Variants in RTF1 observed in about 807,000 individuals in gnomAD.
RTF1 encodes RTF1 homolog, Paf1/RNA polymerase II complex component.
In RTF1, 10 loss-of-function variants were observed where a neutral mutation model predicts 95.7. The ratio of observed to expected loss-of-function variants is 0.10; its 90% CI spans 0.06 to 0.18. The LOEUF (loss-of-function observed/expected upper bound fraction) is 0.18, where lower values mean the gene tolerates loss of function less well. Among genes scored for constraint, RTF1 ranks in the 10% least tolerant of loss-of-function variants. RTF1 has a pLI of 1.00. For synonymous variants in RTF1, 305 were observed against 311.8 expected, an observed-to-expected ratio of 0.98 and a Z score of 0.23; for missense variants, 458 against 875.6, an observed-to-expected ratio of 0.52 and a Z score of 6.02.
chr15:41,453,807 T>A (rs1353833437), intron 3 of RTF1, among the ~76,000 whole-genome samples: 1 of 151,672 alleles, frequency 6.6e-6, no homozygotes, highest in Non-Finnish European at 1.5e-5. Flanking sequence ...GTTCCAGGAC[T>A]AGAATGATAA....
At chr15:41,456,488 CAA>C (rs554155784) in intron 3 of RTF1, among the ~76,000 whole-genome samples, 18 of 113,586 alleles carry the variant, frequency 1.6e-4, no homozygotes, top group East Asian at 2.9e-4. Flanking sequence ...GACTCTGTCT[CAA>C]AAAAAAAAAA....
At chr15:41,435,221 ATCT>A (rs1267034215) in intron 1 of RTF1, among the ~76,000 whole-genome samples, 1 of 151,964 alleles carries the variant, frequency 6.6e-6, no homozygotes, top group African/African-American at 2.4e-5. Context: ...ATGAGATTAG[ATCT>A]TCTCTGTATC....
chr15:41,474,440 C>T, intron 8 of RTF1, 180 bp from the exon 9 acceptor site: 1 of 571,274 alleles, frequency 1.8e-6, no homozygotes, highest in Non-Finnish European at 3.1e-6. Context: ...ACAAGGCTCC[C>T]TGTGCTTGGC....
chr15:41,432,449 A>G (rs1225772846), intron 1 of RTF1, among the ~76,000 whole-genome samples: 9 of 148,070 alleles, frequency 6.1e-5, no homozygotes, highest in African/African-American at 2.2e-4. Context: ...CACCCACCTC[A>G]GCCTCCCAAA....
chr15:41,417,607 G>A (rs986726620), intron 1 of RTF1, among the ~76,000 whole-genome samples: 1 of 152,210 alleles, frequency 6.6e-6, no homozygotes, highest in Non-Finnish European at 1.5e-5. Flanking sequence ...ATCTTCCGGG[G>A]CCAGATCGGG....
intron 3 of RTF1, among the ~76,000 whole-genome samples, chr15:41,454,171 A>G (rs1441855854): frequency 1.3e-5 from 2 of 152,042 alleles, no homozygotes; most frequent in Admixed American, 6.6e-5. Context: ...TTCTTGGCTC[A>G]CTGCAACCTC....
intron 2 of RTF1, among the ~76,000 whole-genome samples, chr15:41,445,628 A>C (rs998810294): frequency 2.0e-5 from 3 of 152,188 alleles, no homozygotes; most frequent in African/African-American, 7.2e-5. Context: ...AAAGCTAAGA[A>C]AGCTAAGCTA....
intron 4 of RTF1, among the ~76,000 whole-genome samples, chr15:41,461,986 C>G (rs1456417501): frequency 1.3e-5 from 2 of 150,748 alleles, no homozygotes; most frequent in Non-Finnish European, 3.0e-5. Context: ...AACTCCTGGC[C>G]TCAAGCAATT....
intron 5 of RTF1, 73 bp downstream of exon 5, chr15:41,464,958 G>GTA (rs2050872853): frequency 1.3e-5 from 19 of 1,460,432 alleles, no homozygotes; most frequent in East Asian, 2.5e-5. Flanking sequence ...GTGTGTGTGT[G>GTA]TGTGTGTGTA....
intron 4 of RTF1, among the ~76,000 whole-genome samples, chr15:41,461,853 C>T (rs1280733395): frequency 6.6e-6 from 1 of 151,952 alleles, no homozygotes; most frequent in Non-Finnish European, 1.5e-5. Flanking sequence ...GATCCACCCA[C>T]CTCGGCTTTC....
chr15:41,452,219 T>C (rs1035490143), intron 2 of RTF1, among the ~76,000 whole-genome samples: 1 of 152,148 alleles, frequency 6.6e-6, no homozygotes, highest in Non-Finnish European at 1.5e-5. Context: ...GCAAATTGCT[T>C]GAGCTCAGGA....
intron 3 of RTF1, among the ~76,000 whole-genome samples, chr15:41,457,131 C>G (rs1253962911): frequency 6.6e-6 from 1 of 151,554 alleles, no homozygotes; most frequent in Non-Finnish European, 1.5e-5. Flanking sequence ...GTGGCTTACA[C>G]AGGCGTAAGC....
intron 4 of RTF1, among the ~76,000 whole-genome samples, chr15:41,464,033 G>A (rs1201374390): frequency 6.6e-6 from 1 of 151,554 alleles, no homozygotes; most frequent in African/African-American, 2.4e-5. Flanking sequence ...TGTATTTTTA[G>A]TGGAGATGGG....
In RTF1 at chr15:41,480,165, T is replaced by C. The variant is rs1451258308; in HGVS notation, c.1915-49T>C. 1.5e-5 allele frequency: 18 copies of C among 1,212,118 alleles called. No individual in the cohort carries two copies. The Admixed American group carries it at 2.0e-4, about 14-fold the overall frequency. The allele number at this position is 1,212,118 out of a possible 1,614,324, so 75.1% of individuals were successfully genotyped here. A position where few individuals can be genotyped will look rare whatever the true frequency, so the allele number is the denominator to read the frequency against. On this transcript the variant is annotated intron_variant, in intron 16 of 17. Coordinates refer to ENST00000389629, the MANE Select transcript of RTF1 (RefSeq NM_015138.5). ...CGTTAGTGGCTGCTGCTGCTTGAAA[T>C]CCACTTGCATTTATGCTCTTACCAT...
At chr15:41,445,734 ATTTT>A (rs66494134) in intron 2 of RTF1, among the ~76,000 whole-genome samples, 2 of 132,038 alleles carry the variant, frequency 1.5e-5, no homozygotes, top group Non-Finnish European at 3.3e-5. Context: ...TCCTGACCCC[ATTTT>A]TTTTTTTTTT....
rs2050985419 is a variant in RTF1, at chr15:41,482,911, T to C, written c.*2224T>C. The C allele has an allele frequency of 1.3e-5, 2 of 152,256 alleles. No homozygotes were observed. Among genetic ancestry groups the C allele is most frequent in the Non-Finnish European group, 2.9e-5 (2 of 67,976 alleles). The allele number at this position is 152,256 out of a possible 1,614,324, so 9.4% of individuals were successfully genotyped here. A position where few individuals can be genotyped will look rare whatever the true frequency, so the allele number is the denominator to read the frequency against. ...CTGATCCACCATGTAGATCTGTATT[T>C]AGTATCATTTGGATTTGGAGAAGTG... On this transcript the variant is annotated 3_prime_UTR_variant, in exon 18 of 18. Coordinates refer to ENST00000389629, the MANE Select transcript of RTF1 (RefSeq NM_015138.5).
intron 8 of RTF1, among the ~76,000 whole-genome samples, chr15:41,474,103 C>T (rs890205546): frequency 6.6e-5 from 10 of 152,126 alleles, no homozygotes; most frequent in African/African-American, 2.4e-4. Context: ...TCTCAAATTC[C>T]TGGCTTCAAG....
In RTF1 at chr15:41,474,533, G is replaced by A. The variant is rs376630714; in HGVS notation, c.1204-87G>A. On this transcript the variant is annotated intron_variant, in intron 8 of 17. Coordinates refer to ENST00000389629, the MANE Select transcript of RTF1 (RefSeq NM_015138.5). Reference sequence around the variant, plus strand: ...ACTCAGCACTCTATCAGTTGTCTGCGTTCAGGTAGAGAGACGCAAAGGAAG... The same window carrying A: ...ACTCAGCACTCTATCAGTTGTCTGCATTCAGGTAGAGAGACGCAAAGGAAG... 8.7e-5 allele frequency: 82 copies of A among 940,006 alleles called. 1 individual carries two copies. Among genetic ancestry groups the A allele is most frequent in the East Asian group, 5.3e-4 (22 of 41,634 alleles). 58.2% of individuals were successfully genotyped at this position (940,006 alleles called of 1,614,324 possible). A position where few individuals can be genotyped will look rare whatever the true frequency, so the allele number is the denominator to read the frequency against.
At chr15:41,436,649 C>T (rs1414454732) in intron 1 of RTF1, among the ~76,000 whole-genome samples, 1 of 149,400 alleles carries the variant, frequency 6.7e-6, no homozygotes, top group Admixed American at 6.7e-5. Context: ...AAAAAATTAG[C>T]CAGGCATGGT....
Sources: allele counts gnomAD v4.1 joint callset (sites outside exome capture counted in the v4.1 genomes callset), GRCh38; gene constraint gnomAD v4.1.1; transcripts MANE v1.5; gene names NCBI Gene and HGNC (gene_info 2026-07-23, HGNC 2026-07-21).